GRAMD1B: variants seen among roughly 807,000 people sequenced by gnomAD.
GRAMD1B encodes the protein protein Aster-B.
GRAMD1B carries 37 observed loss-of-function variants against 99.7 expected under a neutral mutation model. The observed-to-expected ratio is 0.37, with a 90% CI of 0.29 to 0.49. The LOEUF is 0.49. Ranked by LOEUF, GRAMD1B falls within the 20% of genes least tolerant of loss-of-function variation. The pLI is 0.98. For synonymous variants in GRAMD1B, 427 were observed against 387.6 expected, an observed-to-expected ratio of 1.10 and a Z score of -1.19; for missense variants, 888 against 1,009.2, an observed-to-expected ratio of 0.88 and a Z score of 1.63.
intron 1 of GRAMD1B, among the ~76,000 whole-genome samples, chr11:123,466,241 A>G (rs924269079): frequency 1.1e-4 from 17 of 151,730 alleles, no homozygotes; most frequent in African/African-American, 3.9e-4. Flanking sequence ...ACAGCACTGC[A>G]CTCCAGCGTG....
chr11:123,408,615 A>C (rs1391358150), intron 1 of GRAMD1B, among the ~76,000 whole-genome samples: 1 of 152,248 alleles, frequency 6.6e-6, no homozygotes, highest in Non-Finnish European at 1.5e-5. Context: ...CCTTTCCTCC[A>C]CAGCCCTTGA....
intron 2 of GRAMD1B, among the ~76,000 whole-genome samples, chr11:123,563,944 C>A (rs149628691): frequency 6.2e-4 from 94 of 152,304 alleles, no homozygotes; most frequent in African/African-American, 2.1e-3. Flanking sequence ...TCTAAAATTT[C>A]TGACTTTAAC....
intron 2 of GRAMD1B, among the ~76,000 whole-genome samples, chr11:123,563,838 C>T (rs1286876565): frequency 6.6e-6 from 1 of 152,124 alleles, no homozygotes; most frequent in Admixed American, 6.5e-5. Context: ...GGATTTCGTA[C>T]CCTGAATGTA....
intron 2 of GRAMD1B, among the ~76,000 whole-genome samples, chr11:123,568,212 A>G (rs938803172): frequency 6.6e-6 from 1 of 152,214 alleles, no homozygotes; most frequent in Admixed American, 6.5e-5. Context: ...TTATCTACAC[A>G]GTATTTACAG....
chr11:123,609,737 G>A, intron 12 of GRAMD1B, 58 bp from the exon 13 acceptor site: 2 of 1,023,008 alleles, frequency 2.0e-6, no homozygotes, highest in Non-Finnish European at 3.0e-6. Flanking sequence ...GGGAAACTTG[G>A]ATTGGGGAGA....
intron 1 of GRAMD1B, among the ~76,000 whole-genome samples, chr11:123,437,641 G>A (rs1410941036): frequency 1.3e-5 from 2 of 152,166 alleles, no homozygotes; most frequent in Non-Finnish European, 2.9e-5. Flanking sequence ...AGGGCCTCAG[G>A]GTTTCCACTT....
rs567548677 is a variant in GRAMD1B, at chr11:123,415,713, A to G, written c.-176+56914A>G. Among the ~76,000 whole-genome samples the G allele has an allele frequency of 3.4e-4, 52 of 152,288 alleles. 1 individual carries two copies. The South Asian group carries it at 6.2e-3, about 18-fold the overall frequency. ...CTGCAATTCTTTGTGTGTTAAAAAG[A>G]TTTAATAGCGACTCTCCTGTTAGTC... is the stretch of plus-strand genomic sequence containing the variant. On this transcript the variant is annotated intron_variant, in intron 1 of 20. Transcript: ENST00000638157.
chr11:123,627,618 C>T lies in GRAMD1B; in HGVS notation c.*5023C>T, dbSNP rs72552186. 6.6e-6 allele frequency: 1 copy of T among 152,278 alleles called. No homozygotes were observed. Among genetic ancestry groups the T allele is most frequent in the Non-Finnish European group, 1.5e-5 (1 of 68,058 alleles). 9.4% of individuals were successfully genotyped at this position (152,278 alleles called of 1,614,324 possible). A position where few individuals can be genotyped will look rare whatever the true frequency, so the allele number is the denominator to read the frequency against. ...TGGCCATCTGTATTTGGATCTATAACTGTACTTTGCCTGGCGCTGTGCGCA... is the reference window on the plus strand; with the variant it reads ...TGGCCATCTGTATTTGGATCTATAATTGTACTTTGCCTGGCGCTGTGCGCA... On this transcript the variant is annotated 3_prime_UTR_variant, in exon 20 of 20. Coordinates refer to ENST00000635736, the MANE Select transcript of GRAMD1B (RefSeq NM_001387025.1).
At chr11:123,609,956 C>T in intron 13 of GRAMD1B, 43 bp downstream of exon 13, 3 of 1,146,890 alleles carry the variant, frequency 2.6e-6, no homozygotes, top group Non-Finnish European at 3.9e-6. Flanking sequence ...GCTGGAAAAT[C>T]CTGTGTTCTG....
intron 1 of GRAMD1B, among the ~76,000 whole-genome samples, chr11:123,402,697 T>G (rs1947710018): frequency 6.6e-6 from 1 of 152,190 alleles, no homozygotes. Flanking sequence ...CCAAGTGACC[T>G]CACAATTGTA....
chr11:123,586,156 C>G (rs1399161323), intron 4 of GRAMD1B, among the ~76,000 whole-genome samples: 1 of 152,162 alleles, frequency 6.6e-6, no homozygotes, highest in African/African-American at 2.4e-5. Flanking sequence ...CAGATGCTGT[C>G]TCTTGGCTGG....
At chr11:123,416,302 A>G (rs750675850) in intron 1 of GRAMD1B, among the ~76,000 whole-genome samples, 1 of 152,190 alleles carries the variant, frequency 6.6e-6, no homozygotes, top group African/African-American at 2.4e-5. Context: ...ATGATAACTG[A>G]ATGGGCAAAA....
intron 2 of GRAMD1B, among the ~76,000 whole-genome samples, chr11:123,501,581 A>G (rs1229309939): frequency 6.6e-6 from 1 of 152,204 alleles, no homozygotes; most frequent in Non-Finnish European, 1.5e-5. Context: ...AATCTCATGG[A>G]TCTTTTTTTC....
chr11:123,446,160 G>T lies in GRAMD1B; in HGVS notation c.374+14994G>T, dbSNP rs185117280. Among the ~76,000 whole-genome samples the T allele has an allele frequency of 2.0e-5, 3 of 152,098 alleles. No homozygotes were observed. The East Asian group carries it at 5.8e-4, about 29-fold the overall frequency. The stretch of plus-strand genomic sequence containing the variant: ...CTAGTAGGGTCTGTGAGCCTCTGCA[G>T]ACTTCTTTTATTATTATTTTTTTTA... On this transcript the variant is annotated intron_variant, in intron 1 of 19. Transcript: ENST00000635736.
At chr11:123,464,978 G>T (rs1381075308) in intron 1 of GRAMD1B, among the ~76,000 whole-genome samples, 1 of 152,136 alleles carries the variant, frequency 6.6e-6, no homozygotes, top group Non-Finnish European at 1.5e-5. Flanking sequence ...TTTTGGACAG[G>T]CTGTGCGATG....
chr11:123,576,629 T>C (rs1451112547), intron 2 of GRAMD1B, among the ~76,000 whole-genome samples: 1 of 152,208 alleles, frequency 6.6e-6, no homozygotes, highest in African/African-American at 2.4e-5. Context: ...GAATAAATGT[T>C]GGGGTAAGGG....
intron 2 of GRAMD1B, among the ~76,000 whole-genome samples, chr11:123,490,650 G>T (rs1352642246): frequency 6.6e-6 from 1 of 152,174 alleles, no homozygotes; most frequent in African/African-American, 2.4e-5. Flanking sequence ...AATGTCCAGG[G>T]CTTGATCATG....
chr11:123,601,168 G>A (rs1951907990), intron 8 of GRAMD1B, among the ~76,000 whole-genome samples: 1 of 152,050 alleles, frequency 6.6e-6, no homozygotes, highest in Admixed American at 6.5e-5. Context: ...CTCTCTCTAG[G>A]AATTAGCTAA....
intron 1 of GRAMD1B, among the ~76,000 whole-genome samples, chr11:123,386,081 C>T (rs1056444852): frequency 3.3e-5 from 5 of 152,146 alleles, no homozygotes; most frequent in Non-Finnish European, 7.4e-5. Flanking sequence ...AGTTTTTTAC[C>T]TAGATGTGGG....
Sources: gnomAD v4.1 joint callset for allele counts (sites outside exome capture counted in the v4.1 genomes callset) on GRCh38, gnomAD v4.1.1 for gene constraint, MANE v1.5 for transcripts, NCBI Gene and HGNC (gene_info 2026-07-23, HGNC 2026-07-21) for gene names.